The following TEX36 variants were observed in gnomAD, a reference collection of about 807,000 sequenced individuals.
TEX36 encodes testis-expressed protein 36.
A neutral mutation model predicts 13.6 loss-of-function variants in TEX36; 12 were observed. The observed-to-expected ratio is 0.88, with a 90% confidence interval of 0.56 to 1.43. The LOEUF (loss-of-function observed/expected upper bound fraction) is 1.43, where lower values mean the gene tolerates loss of function less well. Among genes scored for constraint, TEX36 ranks in the 40% most tolerant of loss-of-function variants. The probability of loss-of-function intolerance (pLI) is 0.00; values close to 1 mark genes in which losing one functional copy is unlikely to be tolerated. For synonymous variants in TEX36, 93 were observed against 83.0 expected (o/e 1.12, Z -0.65); for missense variants, 224 against 228.3 (o/e 0.98, Z 0.12).
intron 3 of TEX36, among the ~76,000 whole-genome samples, chr10:125,577,198 C>CA (rs1481920540): frequency 6.6e-6 from 1 of 152,120 alleles, no homozygotes; most frequent in African/African-American, 2.4e-5. Flanking sequence ...TCTGCATGGA[C>CA]AAAACAGTAA....
At chr10:125,656,578 T>A (rs548659411) in intron 3 of TEX36, among the ~76,000 whole-genome samples, 22 of 151,730 alleles carry the variant, frequency 1.4e-4, no homozygotes, top group Non-Finnish European at 2.5e-4. Flanking sequence ...AGTTCTGAGG[T>A]CTTTCTTAAA....
At chr10:125,645,527 C>A (rs1191995545) in intron 3 of TEX36, among the ~76,000 whole-genome samples, 2 of 152,176 alleles carry the variant, frequency 1.3e-5, no homozygotes, top group African/African-American at 4.8e-5. Context: ...CCAGACGCAG[C>A]CCCTTGGCTC....
downstream of TEX36, among the ~76,000 whole-genome samples, chr10:125,620,621 A>T (rs932176567): frequency 6.6e-6 from 1 of 152,218 alleles, no homozygotes; most frequent in Non-Finnish European, 1.5e-5. Context: ...AATTTTTTTT[A>T]ATTGTGGTAA....
downstream of TEX36, among the ~76,000 whole-genome samples, chr10:125,650,971 C>A (rs1176677303): frequency 1.3e-5 from 2 of 152,168 alleles, no homozygotes; most frequent in Non-Finnish European, 2.9e-5. Flanking sequence ...CCTGAATAGA[C>A]CAATAACAGG....
chr10:125,670,779 G>A (rs1224110200), intron 1 of TEX36, among the ~76,000 whole-genome samples: 1 of 151,864 alleles, frequency 6.6e-6, no homozygotes, highest in African/African-American at 2.4e-5. Flanking sequence ...ATAAGGAAGG[G>A]GTCCAGTTTC....
At chr10:125,619,400 T>G (rs996570694), downstream of TEX36, among the ~76,000 whole-genome samples, 36 of 151,976 alleles carry the variant, frequency 2.4e-4, no homozygotes, top group African/African-American at 8.2e-4. Flanking sequence ...CCCTGGTCCC[T>G]GCCCCAACAC....
chr10:125,584,120 G>C (rs748616258), intron 3 of TEX36, among the ~76,000 whole-genome samples: 1 of 152,214 alleles, frequency 6.6e-6, no homozygotes, highest in Non-Finnish European at 1.5e-5. Context: ...AGACCACCTC[G>C]AGAGAGAGGC....
intron 3 of TEX36, among the ~76,000 whole-genome samples, chr10:125,623,323 T>A (rs1365285887): frequency 6.6e-6 from 1 of 152,066 alleles, no homozygotes; most frequent in East Asian, 1.9e-4. Context: ...GGGTAGGTCC[T>A]CCTCTCCTAG....
At chr10:125,602,347 C>T (rs1200117708) in intron 3 of TEX36, among the ~76,000 whole-genome samples, 1 of 152,152 alleles carries the variant, frequency 6.6e-6, no homozygotes, top group Admixed American at 6.5e-5. Context: ...TGGGAAAGCG[C>T]TTTTCATCTA....
intron 3 of TEX36, among the ~76,000 whole-genome samples, chr10:125,577,836 T>C (rs1317221547): frequency 6.6e-6 from 1 of 152,228 alleles, no homozygotes; most frequent in African/African-American, 2.4e-5. Flanking sequence ...GTTTGTAGAC[T>C]GCACAAATAA....
Position 125,602,337 on chromosome 10 carries a change from T to C in TEX36, c.265-25463A>G, listed in dbSNP as rs147779785. 8.5e-4 allele frequency among the ~76,000 whole-genome samples: 129 copies of C among 152,296 alleles called. 1 individual carries two copies. The highest frequency in any genetic ancestry group is 3.0e-3 in the African/African-American group (126 of 41,548). ...TCATTCTTGTGCTTAAAGCCATAGA[T>C]GGGAAAGCGCTTTTCATCTATTAAA... is the stretch of plus-strand genomic sequence containing the variant. On this transcript the variant is annotated intron_variant, in intron 3 of 3. Coordinates refer to the TEX36 transcript ENST00000532135.
At chr10:125,579,173 A>G (rs534224196) in intron 3 of TEX36, among the ~76,000 whole-genome samples, 1 of 152,354 alleles carries the variant, frequency 6.6e-6, no homozygotes, top group East Asian at 1.9e-4. Flanking sequence ...GTCCGTTCTC[A>G]TGCTGCTATA....
In TEX36 at chr10:125,649,155, C is replaced by T. The variant is rs545608122; in HGVS notation, c.264+11866G>A. Among the ~76,000 whole-genome samples, 12 of 152,220 alleles carry T rather than the reference C, an allele frequency of 7.9e-5. No homozygotes were observed. In the East Asian group the frequency reaches 9.7e-4, roughly 12 times the overall value. ...ATTCAAATTCAGGAAATACAGAGAA[C>T]GCCACAAAGATACTCCTCGAGAAGT... On this transcript the variant is annotated intron_variant, in intron 3 of 3. Coordinates refer to the TEX36 transcript ENST00000526819.
At chr10:125,648,777 G>T (rs1846810213) in intron 3 of TEX36, among the ~76,000 whole-genome samples, 2 of 152,064 alleles carry the variant, frequency 1.3e-5, no homozygotes. Flanking sequence ...TTAGATGAAA[G>T]GCTAACTAGA....
intron 1 of TEX36, among the ~76,000 whole-genome samples, chr10:125,665,046 T>C (rs1394958987): frequency 1.3e-5 from 2 of 152,202 alleles, no homozygotes; most frequent in Non-Finnish European, 2.9e-5. Flanking sequence ...TGTCCTTTGC[T>C]CACTTTTTAA....
intron 3 of TEX36, among the ~76,000 whole-genome samples, chr10:125,660,210 G>A (rs1847011941): frequency 6.6e-6 from 1 of 152,082 alleles, no homozygotes; most frequent in Non-Finnish European, 1.5e-5. Context: ...CTGCAGCCTT[G>A]AACTCCTGAG....
chr10:125,662,974 A>G (rs746355496), intron 1 of TEX36, among the ~76,000 whole-genome samples: 5 of 152,208 alleles, frequency 3.3e-5, no homozygotes, highest in Non-Finnish European at 7.3e-5. Context: ...ACTCTCTAGG[A>G]GGAAATGAAT....
At chr10:125,654,353 A>G (rs1420476140), downstream of TEX36, among the ~76,000 whole-genome samples, 1 of 152,220 alleles carries the variant, frequency 6.6e-6, no homozygotes, top group Non-Finnish European at 1.5e-5. Context: ...ATATCAAAAT[A>G]TACAGGAATA....
intron 3 of TEX36, among the ~76,000 whole-genome samples, chr10:125,613,163 T>G (rs929451988): frequency 6.7e-6 from 1 of 149,884 alleles, no homozygotes; most frequent in Non-Finnish European, 1.5e-5. Context: ...GCCGCTCGGC[T>G]GGAATCCTGT....
Sources: gnomAD v4.1 joint callset for allele counts (sites outside exome capture counted in the v4.1 genomes callset) on GRCh38, gnomAD v4.1.1 for gene constraint, MANE v1.5 for transcripts, NCBI Gene and HGNC (gene_info 2026-07-23, HGNC 2026-07-21) for gene names.